Variants in KIRREL1 observed in about 807,000 individuals in gnomAD.
KIRREL1 encodes the protein kin of IRRE-like protein 1.
KIRREL1 carries 25 observed loss-of-function variants against 83.3 expected under a neutral mutation model. That is an observed-to-expected ratio of 0.30 (90% CI 0.22 to 0.42). The LOEUF (loss-of-function observed/expected upper bound fraction) is 0.42. KIRREL1 is among the 10% of genes least tolerant of loss of function. The probability of loss-of-function intolerance (pLI) is 1.00; values close to 1 mark genes in which losing one functional copy is unlikely to be tolerated. For synonymous variants in KIRREL1, 388 were observed against 410.4 expected, an observed-to-expected ratio of 0.95 and a Z score of 0.66; for missense variants, 812 against 1,032.3, an observed-to-expected ratio of 0.79 and a Z score of 2.92.
At chr1:158,057,184 G>T (rs770605760) in intron 1 of KIRREL1, among the ~76,000 whole-genome samples, 3 of 152,150 alleles carry the variant, frequency 2.0e-5, no homozygotes, top group African/African-American at 2.4e-5. Context: ...GGCCTAACAC[G>T]AAGAGAGCTG....
intron 1 of KIRREL1, among the ~76,000 whole-genome samples, chr1:158,018,324 A>T (rs1204526062): frequency 1.3e-5 from 2 of 152,184 alleles, no homozygotes; most frequent in African/African-American, 4.8e-5. Flanking sequence ...AAGGGAATGA[A>T]GCAGGGAGTA....
intron 1 of KIRREL1, among the ~76,000 whole-genome samples, chr1:158,024,270 A>ATT (rs67318767): frequency 1.9e-4 from 13 of 70,008 alleles, no homozygotes; most frequent in African/African-American, 7.1e-4. Flanking sequence ...TTGTTGTTGT[A>ATT]TTTTTTTTTT....
At chr1:158,004,424 G>A (rs912722726) in intron 1 of KIRREL1, among the ~76,000 whole-genome samples, 1 of 152,106 alleles carries the variant, frequency 6.6e-6, no homozygotes, top group Non-Finnish European at 1.5e-5. Flanking sequence ...CTGTTCTCTG[G>A]GGTTCAGTGC....
intron 1 of KIRREL1, among the ~76,000 whole-genome samples, chr1:158,046,150 T>A (rs763944437): frequency 2.6e-5 from 4 of 152,202 alleles, no homozygotes; most frequent in Non-Finnish European, 5.9e-5. Context: ...GCTACTGCAG[T>A]AATCCAGGCA....
chr1:158,056,085 T>G (rs1237181565), intron 1 of KIRREL1, among the ~76,000 whole-genome samples: 1 of 152,182 alleles, frequency 6.6e-6, no homozygotes, highest in African/African-American at 2.4e-5. Flanking sequence ...GCCTGCTTCC[T>G]CCCTTCTGCC....
intron 8 of KIRREL1, among the ~76,000 whole-genome samples, chr1:158,088,782 C>T (rs115531471): frequency 0.016 from 2,368 of 152,282 alleles, 63 homozygotes; most frequent in African/African-American, 0.054. Flanking sequence ...CCGCGCCCGG[C>T]CTTACTGCGT....
intron 1 of KIRREL1, among the ~76,000 whole-genome samples, chr1:158,064,154 C>T (rs1231544634): frequency 6.6e-6 from 1 of 152,084 alleles, no homozygotes; most frequent in African/African-American, 2.4e-5. Context: ...ACATTTATTG[C>T]CTCAAGAAGT....
intron 12 of KIRREL1, 87 bp from the exon 13 acceptor site, chr1:158,093,536 C>G (rs1283239980): frequency 6.2e-7 from 1 of 1,605,544 alleles, no homozygotes; most frequent in Admixed American, 1.7e-5. Flanking sequence ...GAGGTTGGCC[C>G]TTGAGCTCCA....
At chr1:158,079,752 G>T (rs1661790079) in intron 3 of KIRREL1, among the ~76,000 whole-genome samples, 1 of 152,246 alleles carries the variant, frequency 6.6e-6, no homozygotes, top group Non-Finnish European at 1.5e-5. Flanking sequence ...TTGGCATCAT[G>T]ATCCTAAAGA....
In KIRREL1 at chr1:158,076,129, C is replaced by T; in HGVS notation, c.69C>T (p.Phe23=). ...GCTTTGCAGGGACCCAGACCCGCTTCAGCCAGGAGCCAGCTGACCAGACGG... is the reference window on the plus strand; with the variant it reads ...GCTTTGCAGGGACCCAGACCCGCTTTAGCCAGGAGCCAGCTGACCAGACGG... ...DTFSQGTQTR[F]SQEPADQTVV... The change falls in exon 2 of 15, where the codon TTC becomes TTT. Residue 23 remains phenylalanine, a synonymous_variant. Transcript: ENST00000359209. 1 of 1,614,076 alleles carries T rather than the reference C, an allele frequency of 6.2e-7. No homozygotes were observed. Among genetic ancestry groups the T allele is most frequent in the East Asian group, 2.2e-5 (1 of 44,854 alleles).
At chr1:158,004,504 G>A (rs988012082) in intron 1 of KIRREL1, among the ~76,000 whole-genome samples, 3 of 152,194 alleles carry the variant, frequency 2.0e-5, no homozygotes, top group Non-Finnish European at 2.9e-5. Context: ...CTGTGTCTTG[G>A]ATCTGGAAAC....
intron 1 of KIRREL1, among the ~76,000 whole-genome samples, chr1:158,011,565 G>C (rs1165358223): frequency 1.3e-5 from 2 of 152,210 alleles, no homozygotes; most frequent in African/African-American, 2.4e-5. Flanking sequence ...CTGAGGCCTA[G>C]GGGAAGTAGA....
chr1:158,079,827 T>C (rs964629185), intron 3 of KIRREL1, among the ~76,000 whole-genome samples: 3 of 152,226 alleles, frequency 2.0e-5, no homozygotes, highest in African/African-American at 2.4e-5. Context: ...AGCCTTTTCT[T>C]AGCAACTGCT....
At chr1:158,080,415 A>G (rs938708852) in intron 3 of KIRREL1, among the ~76,000 whole-genome samples, 6 of 152,184 alleles carry the variant, frequency 3.9e-5, no homozygotes, top group Non-Finnish European at 4.4e-5. Flanking sequence ...GGGGAACCCT[A>G]GATGGAAGAG....
At chr1:158,048,872 A>G (rs1660843305) in intron 1 of KIRREL1, among the ~76,000 whole-genome samples, 1 of 152,188 alleles carries the variant, frequency 6.6e-6, no homozygotes, top group African/African-American at 2.4e-5. Context: ...GTGTTTGAAC[A>G]ATAACAAGCA....
At chr1:158,029,924 C>T (rs1340310633) in intron 1 of KIRREL1, among the ~76,000 whole-genome samples, 1 of 152,110 alleles carries the variant, frequency 6.6e-6, no homozygotes, top group Non-Finnish European at 1.5e-5. Flanking sequence ...AGGTAATGTA[C>T]GTAGTACAAA....
intron 1 of KIRREL1, among the ~76,000 whole-genome samples, chr1:158,061,633 G>A (rs1169188560): frequency 1.3e-5 from 2 of 152,076 alleles, no homozygotes; most frequent in Non-Finnish European, 2.9e-5. Context: ...TGGCATCTAG[G>A]GTGGTTCTGA....
intron 11 of KIRREL1, among the ~76,000 whole-genome samples, 176 bp downstream of exon 11, chr1:158,091,732 C>T (rs985769506): frequency 1.3e-5 from 2 of 152,208 alleles, no homozygotes; most frequent in African/African-American, 2.4e-5. Flanking sequence ...TTTGGGGCTA[C>T]TCCCCTCTGA....
intron 1 of KIRREL1, among the ~76,000 whole-genome samples, chr1:158,063,989 T>C (rs6683770): frequency 0.026 from 3,945 of 152,300 alleles, 171 homozygotes; most frequent in African/African-American, 0.089. Context: ...TGGTAGGCAT[T>C]CAATAAGTAT....
Sources: gnomAD v4.1 joint callset for allele counts (sites outside exome capture counted in the v4.1 genomes callset) on GRCh38, gnomAD v4.1.1 for gene constraint, MANE v1.5 for transcripts, NCBI Gene and HGNC (gene_info 2026-07-23, HGNC 2026-07-21) for gene names.